The following EPHA3 variants were observed in gnomAD, a reference collection of about 807,000 sequenced individuals.
EPHA3 encodes the protein ephrin type-A receptor 3.
Under a neutral mutation model 107.1 loss-of-function variants are expected in EPHA3, and 42 were observed. The ratio of observed to expected loss-of-function variants is 0.39; its 90% CI spans 0.31 to 0.51. EPHA3 has a LOEUF of 0.51. Ranked by LOEUF, EPHA3 falls within the 20% of genes least tolerant of loss-of-function variation. EPHA3 has a pLI of 0.78. For missense variants in EPHA3, 1,183 were observed against 1,211.2 expected (o/e 0.98, Z 0.35); for synonymous variants, 461 against 424.8 (o/e 1.09, Z -1.05).
intron 3 of EPHA3, among the ~76,000 whole-genome samples, chr3:89,319,332 T>G (rs1300825421): frequency 6.6e-6 from 1 of 151,938 alleles, no homozygotes; most frequent in Non-Finnish European, 1.5e-5. Flanking sequence ...TATGCATGTA[T>G]GTATGCATGA....
At chr3:89,131,942 G>A (rs935489797) in intron 2 of EPHA3, among the ~76,000 whole-genome samples, 1 of 152,130 alleles carries the variant, frequency 6.6e-6, no homozygotes, top group Non-Finnish European at 1.5e-5. Context: ...AGGTGTTCCT[G>A]GAAAATGGCC....
At chr3:89,347,444 T>C (rs1403527814) in intron 5 of EPHA3, among the ~76,000 whole-genome samples, 1 of 149,678 alleles carries the variant, frequency 6.7e-6, no homozygotes, top group Non-Finnish European at 1.5e-5. Context: ...AGAATGCTTG[T>C]GATTTTTGCA....
intron 3 of EPHA3, among the ~76,000 whole-genome samples, chr3:89,266,331 A>G (rs1346733498): frequency 6.6e-6 from 1 of 152,004 alleles, no homozygotes; most frequent in Admixed American, 6.6e-5. Context: ...TAATTACTAC[A>G]CCTTACAGCC....
chr3:89,133,868 G>A (rs1018086140), intron 2 of EPHA3, among the ~76,000 whole-genome samples: 1 of 152,070 alleles, frequency 6.6e-6, no homozygotes, highest in Admixed American at 6.5e-5. Flanking sequence ...TTTAATGCAA[G>A]TTTGGCTTTG....
chr3:89,473,595 T>TA (rs1279987241), intron 16 of EPHA3, among the ~76,000 whole-genome samples: 1 of 152,200 alleles, frequency 6.6e-6, no homozygotes. Context: ...TGCGCATAGC[T>TA]AAAAACTGGC....
At position 89,340,963 on chromosome 3, in the gene EPHA3, G is replaced by T; in HGVS notation, c.862G>T (p.Ala288Ser). ...YKALDGNMKC[A>S]KCPPHSSTQE... ...GGCATTGGATGGTAATATGAAGTGT[G>T]CTAAGTGCCCGCCTCACAGTTCTAC... Residue 288 changes from alanine to serine, a missense_variant, in exon 4 of 17, where the codon GCT (alanine) becomes TCT (serine). By Grantham distance (99) the Ala-to-Ser change is moderately conservative (BLOSUM62 1). Transcript: ENST00000336596. 6.2e-7 allele frequency: 1 copy of T among 1,614,120 alleles called. No homozygotes were observed. The highest frequency in any genetic ancestry group is 8.5e-7 in the Non-Finnish European group (1 of 1,180,006).
chr3:89,292,684 A>G (rs541157176), intron 3 of EPHA3, among the ~76,000 whole-genome samples: 1 of 152,270 alleles, frequency 6.6e-6, no homozygotes, highest in South Asian at 2.1e-4. Flanking sequence ...CTTCCCCAGT[A>G]AACTCTGCAA....
chr3:89,131,149 A>C (rs1381032904), intron 2 of EPHA3, among the ~76,000 whole-genome samples: 1 of 148,164 alleles, frequency 6.7e-6, no homozygotes, highest in Non-Finnish European at 1.5e-5. Context: ...ATAGCAATTC[A>C]TTTTTCAATG....
At chr3:89,168,662 C>T (rs1234589597) in intron 2 of EPHA3, among the ~76,000 whole-genome samples, 1 of 151,878 alleles carries the variant, frequency 6.6e-6, no homozygotes, top group Non-Finnish European at 1.5e-5. Flanking sequence ...TAATTAAACA[C>T]AATGCTTCTT....
At position 89,481,426 on chromosome 3, in the gene EPHA3, CAT is replaced by C. The variant is rs1491291221; in HGVS notation, c.*1925_*1926del. ...ATACCTGCTATCAGCAGCTAGAAAA[CAT>C]TTTTTTTTTAAATCAAGTATTTTGT... On this transcript the variant is annotated 3_prime_UTR_variant, in exon 17 of 17. Coordinates refer to ENST00000336596, the MANE Select transcript of EPHA3 (RefSeq NM_005233.6). 3.5e-5 allele frequency: 8 copies of C among 231,824 alleles called. No homozygotes were observed. Among genetic ancestry groups the C allele is most frequent in the Non-Finnish European group, 6.8e-5 (8 of 117,388 alleles). 14.4% of individuals were successfully genotyped at this position (231,824 alleles called of 1,614,324 possible).
rs1705857907 is a variant in EPHA3, at chr3:89,278,261, G to A, written c.815-62655G>A. 3.3e-5 allele frequency among the ~76,000 whole-genome samples: 5 copies of A among 152,216 alleles called. No homozygotes were observed. In the South Asian group the frequency reaches 1.0e-3, roughly 32 times the overall value. On this transcript the variant is annotated intron_variant, in intron 3 of 16. Coordinates refer to ENST00000336596, the MANE Select transcript of EPHA3 (RefSeq NM_005233.6). ...TCAGACAGGGTATCATGTTTGCTGG[G>A]TCTCTGTGGCATACTGGCAGCCTGC...
At chr3:89,393,161 G>A (rs1708779517) in intron 5 of EPHA3, among the ~76,000 whole-genome samples, 1 of 152,132 alleles carries the variant, frequency 6.6e-6, no homozygotes, top group African/African-American at 2.4e-5. Context: ...CTTATTAGGG[G>A]TCCAAAAGCA....
At chr3:89,361,313 C>A (rs955563570) in intron 5 of EPHA3, among the ~76,000 whole-genome samples, 1 of 150,790 alleles carries the variant, frequency 6.6e-6, no homozygotes, top group Non-Finnish European at 1.5e-5. Flanking sequence ...TAAGATATAG[C>A]TTGAAAGTTG....
At chr3:89,273,905 T>G (rs1705741641) in intron 3 of EPHA3, among the ~76,000 whole-genome samples, 2 of 151,928 alleles carry the variant, frequency 1.3e-5, no homozygotes, top group African/African-American at 4.8e-5. Context: ...CCACTGTGCT[T>G]TCGGGCCATT....
At chr3:89,125,909 A>G (rs1704088357) in intron 1 of EPHA3, among the ~76,000 whole-genome samples, 1 of 151,642 alleles carries the variant, frequency 6.6e-6, no homozygotes, top group Non-Finnish European at 1.5e-5. Flanking sequence ...TATAAGATTA[A>G]TATTTCCTTC....
chr3:89,315,858 T>A (rs546716853), intron 3 of EPHA3, among the ~76,000 whole-genome samples: 3 of 151,990 alleles, frequency 2.0e-5, no homozygotes, highest in South Asian at 4.1e-4. Context: ...TCCTTGAGAA[T>A]GGAAAGTTAG....
At chr3:89,401,716 TTC>T (rs1708967698) in intron 7 of EPHA3, among the ~76,000 whole-genome samples, 2 of 152,126 alleles carry the variant, frequency 1.3e-5, no homozygotes, top group African/African-American at 2.4e-5. Flanking sequence ...CAAGCAATTC[TTC>T]TGTTTCAGCC....
chr3:89,264,453 A>G (rs1705490448), intron 3 of EPHA3, among the ~76,000 whole-genome samples: 1 of 150,460 alleles, frequency 6.6e-6, no homozygotes, highest in South Asian at 2.1e-4. Context: ...ACCAACTCCT[A>G]CCTCCCTCGT....
chr3:89,233,141 C>A (rs945853751), intron 3 of EPHA3, among the ~76,000 whole-genome samples: 3 of 151,998 alleles, frequency 2.0e-5, no homozygotes, highest in Non-Finnish European at 4.4e-5. Context: ...AGGAGAATAG[C>A]TTTTTGTCCA....
Sources: allele counts gnomAD v4.1 joint callset (sites outside exome capture counted in the v4.1 genomes callset), GRCh38; gene constraint gnomAD v4.1.1; transcripts MANE v1.5; gene names NCBI Gene and HGNC (gene_info 2026-07-23, HGNC 2026-07-21).